Variants in ZBTB7C observed in about 807,000 individuals in gnomAD.
ZBTB7C encodes zinc finger and BTB domain containing 7C.
In ZBTB7C, 8 loss-of-function variants were observed where a neutral mutation model predicts 25.7. That is an observed-to-expected ratio of 0.31 (90% confidence interval 0.18 to 0.56). ZBTB7C has a LOEUF of 0.56. Among genes scored for constraint, ZBTB7C ranks in the 20% least tolerant of loss-of-function variants. The pLI is 0.91. For missense variants in ZBTB7C, 824 were observed against 855.2 expected, an observed-to-expected ratio of 0.96 and a Z score of 0.46; for synonymous variants, 394 against 369.0, an observed-to-expected ratio of 1.07 and a Z score of -0.78.
At chr18:48,107,535 G>A (rs374028464) in intron 3 of ZBTB7C, among the ~76,000 whole-genome samples, 103 of 152,208 alleles carry the variant, frequency 6.8e-4, no homozygotes, top group African/African-American at 2.5e-3. Context: ...ACATCTCCAG[G>A]CAGCCTGGAG....
chr18:48,054,820 C>CT lies in ZBTB7C; in HGVS notation c.-16-13698dup, dbSNP rs1344006253. Among the ~76,000 whole-genome samples the CT allele has an allele frequency of 1.2e-4, 19 of 152,324 alleles. No homozygotes were observed. In the South Asian group the frequency reaches 3.5e-3, roughly 28 times the overall value. On this transcript the variant is annotated intron_variant, in intron 3 of 4. Coordinates refer to ENST00000590800, the MANE Select transcript of ZBTB7C (RefSeq NM_001318841.2). ...TCCTATTTATACCTGAGCCCAGTCTCTCCTCTGCTATCATTTCCTCCCTTG... is the reference window on the plus strand; with the variant it reads ...TCCTATTTATACCTGAGCCCAGTCTCTTCCTCTGCTATCATTTCCTCCCTTG...
chr18:48,287,102 G>A (rs1722355180), intron 2 of ZBTB7C, among the ~76,000 whole-genome samples: 1 of 152,146 alleles, frequency 6.6e-6, no homozygotes, highest in South Asian at 2.1e-4. Context: ...TGATCTTAGT[G>A]TAATTAAATT....
At chr18:48,314,789 A>AAGGGTGC (rs1255072957) in intron 2 of ZBTB7C, among the ~76,000 whole-genome samples, 1 of 152,020 alleles carries the variant, frequency 6.6e-6, no homozygotes, top group Non-Finnish European at 1.5e-5. Flanking sequence ...CAGCTGGGAG[A>AAGGGTGC]AGGGTGCAGG....
At chr18:48,178,441 T>C (rs1452985518) in intron 3 of ZBTB7C, among the ~76,000 whole-genome samples, 1 of 152,212 alleles carries the variant, frequency 6.6e-6, no homozygotes, top group African/African-American at 2.4e-5. Context: ...TTTTCATAAG[T>C]TACTGTTCTG....
At chr18:48,196,844 T>C (rs1025219729) in intron 2 of ZBTB7C, among the ~76,000 whole-genome samples, 7 of 152,258 alleles carry the variant, frequency 4.6e-5, no homozygotes, top group Non-Finnish European at 8.8e-5. Flanking sequence ...AGAAGGAAAA[T>C]GCCCTTCAGA....
In ZBTB7C at chr18:48,354,587, T is replaced by C. The variant is rs77983104; in HGVS notation, c.-303-16189A>G. Among the ~76,000 whole-genome samples the C allele has an allele frequency of 6.2e-3, 939 of 152,286 alleles. 18 individuals carry two copies. Among genetic ancestry groups the C allele is most frequent in the African/African-American group, 0.022 (900 of 41,570 alleles). ...GCATCAAGGTAACATCCCAGCTTTA[T>C]ACCACATGAATAGAGCTTCTCTATT... On this transcript the variant is annotated intron_variant, in intron 1 of 4. Coordinates refer to ENST00000590800, the MANE Select transcript of ZBTB7C (RefSeq NM_001318841.2).
chr18:48,374,547 G>T (rs2047469725), intron 1 of ZBTB7C, among the ~76,000 whole-genome samples: 1 of 152,224 alleles, frequency 6.6e-6, no homozygotes, highest in South Asian at 2.1e-4. Flanking sequence ...GGATGCCTCT[G>T]CCATTCTCCC....
chr18:48,294,870 C>T, intron 2 of ZBTB7C, among the ~76,000 whole-genome samples: 1 of 152,186 alleles, frequency 6.6e-6, no homozygotes, highest in East Asian at 1.9e-4. Context: ...GCTGCCCTGC[C>T]ACTTGGCCTC....
intron 2 of ZBTB7C, among the ~76,000 whole-genome samples, chr18:48,211,576 GA>G (rs1453013191): frequency 6.6e-6 from 1 of 152,150 alleles, no homozygotes; most frequent in Non-Finnish European, 1.5e-5. Context: ...TTAAGCATAT[GA>G]AAAATGTTCA....
At chr18:48,165,441 G>C (rs901193152) in intron 3 of ZBTB7C, 18 of 314,714 alleles carry the variant, frequency 5.7e-5, no homozygotes, top group African/African-American at 3.9e-4. Context: ...TGGGCAGAGA[G>C]AGGGGACCTG....
At chr18:48,116,718 G>A (rs2039453822) in intron 3 of ZBTB7C, among the ~76,000 whole-genome samples, 1 of 152,094 alleles carries the variant, frequency 6.6e-6, no homozygotes, top group Non-Finnish European at 1.5e-5. Context: ...GGCCCTCTCT[G>A]TCATTCCTCA....
In ZBTB7C at chr18:48,026,749, T is replaced by TTG. The variant is rs2035538473; in HGVS notation, c.*2510_*2511insCA. On this transcript the variant is annotated 3_prime_UTR_variant, in exon 5 of 5. Transcript: ENST00000590800. Reference sequence around the variant, plus strand: ...ATAAGGGTCAAAGGTTTTTTTTTTTTTCTTTGTTAAGGTGTCTTTGACATT... The same window carrying TTG: ...ATAAGGGTCAAAGGTTTTTTTTTTTTTGTCTTTGTTAAGGTGTCTTTGACATT... 6.6e-6 allele frequency: 1 copy of TTG among 151,958 alleles called. No individual in the cohort carries two copies. The highest frequency in any genetic ancestry group is 1.5e-5 in the Non-Finnish European group (1 of 68,006). 9.4% of individuals were successfully genotyped at this position (151,958 alleles called of 1,614,324 possible). A position where few individuals can be genotyped will look rare whatever the true frequency, so the allele number is the denominator to read the frequency against.
intron 2 of ZBTB7C, among the ~76,000 whole-genome samples, chr18:48,334,731 G>A (rs2046421838): frequency 6.6e-6 from 1 of 152,242 alleles, no homozygotes; most frequent in African/African-American, 2.4e-5. Flanking sequence ...ACCCTAAGGG[G>A]AAGTTATTTG....
Position 48,040,659 on chromosome 18 carries a change from T to C in ZBTB7C, c.449A>G (p.Asp150Gly). The C allele has an allele frequency of 6.2e-7, 1 of 1,613,780 alleles. No individual in the cohort carries two copies. Among genetic ancestry groups the C allele is most frequent in the South Asian group, 1.1e-5 (1 of 91,046 alleles). ...CTCCTCCTCCTCTTCGTCCTCCTCA[T>C]CATCATCATCTTCGTCGTCGTCATC... ...EDDDDDEDDD[D>G]EEDEEEEEEE... The change falls in exon 4 of 5, where the codon GAT becomes GGT. Residue 150 changes from aspartate to glycine, a missense_variant. Around this residue, in one of 4 missense-constraint regions of ZBTB7C, gnomAD observed 316 missense variants for 299.2 expected, o/e 1.06. Transcript: ENST00000590800.
At chr18:48,115,554 C>G (rs1043181233) in intron 3 of ZBTB7C, among the ~76,000 whole-genome samples, 9 of 151,706 alleles carry the variant, frequency 5.9e-5, no homozygotes, top group African/African-American at 1.2e-4. Flanking sequence ...GTGACCTTTA[C>G]ACACACACAC....
chr18:48,312,887 A>G (rs917605780), intron 2 of ZBTB7C, among the ~76,000 whole-genome samples: 2 of 152,222 alleles, frequency 1.3e-5, no homozygotes, highest in Admixed American at 6.5e-5. Flanking sequence ...CTCTTCCACG[A>G]TGCTACGGGG....
intron 2 of ZBTB7C, among the ~76,000 whole-genome samples, chr18:48,333,057 A>G (rs961057929): frequency 1.3e-4 from 20 of 152,162 alleles, no homozygotes; most frequent in Admixed American, 1.2e-3. Flanking sequence ...CATTTCAGCA[A>G]GATGATTTTA....
intron 3 of ZBTB7C, among the ~76,000 whole-genome samples, chr18:48,053,585 C>T (rs2036784794): frequency 6.6e-6 from 1 of 152,180 alleles, no homozygotes; most frequent in Admixed American, 6.5e-5. Context: ...TCATCATTAT[C>T]ACCCCATTTT....
At chr18:48,188,205 C>T (rs2042110441) in intron 2 of ZBTB7C, among the ~76,000 whole-genome samples, 1 of 152,120 alleles carries the variant, frequency 6.6e-6, no homozygotes, top group African/African-American at 2.4e-5. Flanking sequence ...CTGTATTAGT[C>T]TATTCTCATA....
Sources: allele counts gnomAD v4.1 joint callset (sites outside exome capture counted in the v4.1 genomes callset), GRCh38; gene constraint gnomAD v4.1.1; regional missense constraint gnomAD v4.1.1; transcripts MANE v1.5; gene names NCBI Gene and HGNC (gene_info 2026-07-23, HGNC 2026-07-21).